The following SRI variants were observed in gnomAD, a reference collection of about 807,000 sequenced individuals.
The protein encoded by SRI is 22 kDa protein.
Under a neutral mutation model 33.3 loss-of-function variants are expected in SRI, and 30 were observed. The observed-to-expected ratio is 0.90, with a 90% CI of 0.67 to 1.22. SRI has a LOEUF of 1.22. Among genes scored for constraint, SRI ranks in the 50% most tolerant of loss-of-function variants. The pLI is 0.00. For synonymous variants in SRI, 75 were observed against 89.9 expected (o/e 0.83, Z 0.94); for missense variants, 243 against 250.8 (o/e 0.97, Z 0.21).
intron 2 of SRI, 101 bp downstream of exon 2, chr7:88,218,758 G>A (rs1851798156): frequency 1.8e-6 from 2 of 1,081,834 alleles, no homozygotes; most frequent in South Asian, 1.3e-5. Flanking sequence ...GAAGCAAAGG[G>A]ACTCAGTACC....
chr7:88,219,620 G>T (rs1851832101), intron 1 of SRI: 3 of 323,708 alleles, frequency 9.3e-6, no homozygotes, highest in Non-Finnish European at 1.6e-5. Flanking sequence ...AATGACTGTT[G>T]TTGCTCTGGG....
intron 1 of SRI, chr7:88,219,428 G>A (rs1851824073): frequency 1.0e-5 from 2 of 191,288 alleles, no homozygotes; most frequent in Non-Finnish European, 2.2e-5. Flanking sequence ...TGCCTGTCTC[G>A]GAAACAGTTC....
chr7:88,212,725 G>T (rs73397633), intron 3 of SRI, among the ~76,000 whole-genome samples: 7,191 of 152,166 alleles, frequency 0.047, 591 homozygotes, highest in African/African-American at 0.16. Flanking sequence ...GCAGGTGATA[G>T]ATATTCATGT....
At chr7:88,209,527 A>G (rs978095768) in intron 5 of SRI, 75 bp from the exon 6 acceptor site, 115 of 1,199,038 alleles carry the variant, frequency 9.6e-5, no homozygotes, top group Non-Finnish European at 7.8e-5. Context: ...ATCAAGCACT[A>G]TTTTATTTTT....
Position 88,217,187 on chromosome 7 carries a change from C to T in SRI, c.140G>A (p.Gly47Glu). The part of the protein sequence containing the change: ...GYFAAVAGQD[G>E]QIDADELQRC... ...CTGCAATTCATCAGCATCTATCTGC[C>T]CATCCTTTTGAAAAAAAATTAGAGG... The change falls in exon 3 of 8, where the codon GGG (glycine) becomes GAG (glutamate). Residue 47 changes from glycine (G) to glutamate (E), a missense_variant. Coordinates refer to ENST00000265729, the MANE Select transcript of SRI (RefSeq NM_003130.4). The T allele has an allele frequency of 6.2e-7, 1 of 1,612,284 alleles. No individual in the cohort carries two copies. Among genetic ancestry groups the T allele is most frequent in the Non-Finnish European group, 8.5e-7 (1 of 1,179,892 alleles).
chr7:88,219,540 T>TTTTTTTTTGTTTG (rs921634162), intron 1 of SRI: 1 of 174,392 alleles, frequency 5.7e-6, no homozygotes, highest in African/African-American at 2.5e-5. Flanking sequence ...CTCACTCGTT[T>TTTTTTTTTGTTTG]TTTGTTTGTT....
exon 1 of SRI, chr7:88,226,920 G>C (rs777412411): frequency 1.8e-5 from 29 of 1,613,650 alleles, no homozygotes; most frequent in Non-Finnish European, 2.5e-5. Flanking sequence ...TGCATCTTGA[G>C]TTGAAGTCTT....
rs1586718966 is a variant in SRI, at chr7:88,217,181, A to G, written c.146T>C (p.Ile49Thr). 6.2e-7 allele frequency: 1 copy of G among 1,612,712 alleles called. No individual in the cohort carries two copies. The highest frequency in any genetic ancestry group is 8.5e-7 in the Non-Finnish European group (1 of 1,179,970). The change falls in exon 3 of 8, where the codon ATA becomes ACA. Residue 49 changes from isoleucine (I) to threonine (T), a missense_variant. Transcript: ENST00000265729. ...ACATCTCTGCAATTCATCAGCATCT[A>G]TCTGCCCATCCTTTTGAAAAAAAAT... ...FAAVAGQDGQ[I>T]DADELQRCLT...
chr7:88,209,318 A>T, intron 6 of SRI, 21 bp downstream of exon 6: 1 of 1,586,094 alleles, frequency 6.3e-7, no homozygotes, highest in South Asian at 1.1e-5. Context: ...TGTGGTGATG[A>T]CACGACCTTA....
upstream of SRI, chr7:88,220,053 C>T (rs573663554): frequency 2.4e-5 from 37 of 1,515,770 alleles, no homozygotes; most frequent in African/African-American, 5.0e-4. Flanking sequence ...CAGCCGCCCT[C>T]GCCCTGTGCG....
At position 88,210,904 on chromosome 7, in the gene SRI, C is replaced by T. The variant is rs755686986; in HGVS notation, c.227G>A (p.Arg76Gln). 9 of 1,613,330 alleles carry T rather than the reference C, an allele frequency of 5.6e-6. No individual in the cohort carries two copies. The highest frequency in any genetic ancestry group is 3.3e-5 in the Admixed American group (2 of 59,986). Residue 76 changes from arginine (R) to glutamine (Q), a missense_variant, in exon 4 of 8, where the codon CGG (arginine) becomes CAG (glutamine). Coordinates refer to ENST00000265729, the MANE Select transcript of SRI (RefSeq NM_003130.4). ...TACATCCAGCATTGAAACCATAAGC[C>T]GGCAAGTCTCCAGGTTAAAAGCTGT... ...GYKPFNLETC[R>Q]LMVSMLDRDM...
chr7:88,226,909 C>T (rs758500831), exon 1 of SRI: 2 of 1,613,600 alleles, frequency 1.2e-6, no homozygotes, highest in Non-Finnish European at 1.7e-6. Flanking sequence ...ATTTACTTGC[C>T]TGCATCTTGA....
chr7:88,208,256 C>T, intron 7 of SRI: 1 of 918,050 alleles, frequency 1.1e-6, no homozygotes, highest in Non-Finnish European at 1.4e-6. Flanking sequence ...GCTTAAGTGA[C>T]CCAGCTAATA....
At chr7:88,220,824 T>C (rs1236236136), upstream of SRI, among the ~76,000 whole-genome samples, 1 of 152,222 alleles carries the variant, frequency 6.6e-6, no homozygotes, top group Non-Finnish European at 1.5e-5. Flanking sequence ...AGCTACTTTT[T>C]ATATAAGAAA....
Position 88,220,022 on chromosome 7 carries a change from G to C in SRI, c.5C>G (p.Ala2Gly). The C allele has an allele frequency of 6.5e-7, 1 of 1,531,990 alleles. No individual in the cohort carries two copies. 94.9% of individuals were successfully genotyped at this position (1,531,990 alleles called of 1,614,324 possible). A position where few individuals can be genotyped will look rare whatever the true frequency, so the allele number is the denominator to read the frequency against. M[A>G]YPGHPGAGGG... ...GCCGGCGCCAGGATGCCCCGGGTAC[G>C]CCATGCTGCAGACTGCGCCGCAGCC... Residue 2 changes from alanine to glycine, a missense_variant, in exon 1 of 8, where the codon GCG (alanine) becomes GGG (glycine). Ala to Gly is a moderately conservative substitution (Grantham distance 60). Transcript: ENST00000265729.
intron 6 of SRI, chr7:88,208,802 T>C (rs1851496755): frequency 1.8e-6 from 1 of 540,938 alleles, no homozygotes. Flanking sequence ...TTTGTTTTTT[T>C]AGATCTGGAG....
intron 4 of SRI, chr7:88,210,470 C>T: frequency 7.4e-6 from 3 of 403,192 alleles, no homozygotes; most frequent in South Asian, 6.6e-5. Flanking sequence ...GTCCTAGCAT[C>T]ATCTCTGGTA....
At chr7:88,208,408 TCCTTAA>T (rs1369940994) in intron 7 of SRI, 93 bp downstream of exon 7, 3 of 1,530,574 alleles carry the variant, frequency 2.0e-6, no homozygotes, top group Admixed American at 2.1e-5. Flanking sequence ...GTCTCTGGCA[TCCTTAA>T]CCTTAAGATA....
rs1217700115 is a variant in SRI at position 88,219,971 on chromosome 7, C to G, written c.51+5G>C. 3.2e-6 allele frequency: 5 copies of G among 1,540,388 alleles called. No homozygotes were observed. In the Admixed American group the frequency reaches 9.8e-5, roughly 30 times the overall value. ...GGGCCGCGATCCCGCGCAGTCAGCA[C>G]TTACCCCGCCTGGGTAGTACCCGCC... is the stretch of plus-strand genomic sequence containing the variant. On this transcript the variant is annotated splice_donor_5th_base_variant and intron_variant, in intron 1 of 7. Coordinates refer to ENST00000265729, the MANE Select transcript of SRI (RefSeq NM_003130.4).
Sources: allele counts gnomAD v4.1 joint callset (sites outside exome capture counted in the v4.1 genomes callset), GRCh38; gene constraint gnomAD v4.1.1; transcripts MANE v1.5; gene names NCBI Gene and HGNC (gene_info 2026-07-23, HGNC 2026-07-21).